SDK1: variants seen among roughly 807,000 people sequenced by gnomAD.
SDK1 encodes protein sidekick-1.
Under a neutral mutation model 245.5 loss-of-function variants are expected in SDK1, and 157 were observed. The observed-to-expected ratio is 0.64, with a 90% confidence interval of 0.56 to 0.73. The LOEUF is 0.73. SDK1 is among the 30% of genes least tolerant of loss of function. The pLI is 0.00. For missense variants in SDK1, 3,583 were observed against 3,002.3 expected (o/e 1.19, Z -4.52); for synonymous variants, 1,647 against 1,278.5 (o/e 1.29, Z -6.15).
At chr7:3,889,938 C>G (rs1012723022) in intron 5 of SDK1, among the ~76,000 whole-genome samples, 1 of 152,216 alleles carries the variant, frequency 6.6e-6, no homozygotes, top group African/African-American at 2.4e-5. Context: ...AAACTCCCCG[C>G]TCCTCCTCCT....
intron 14 of SDK1, 150 bp from the exon 15 acceptor site, chr7:4,010,816 C>A: frequency 1.3e-6 from 1 of 790,026 alleles, no homozygotes; most frequent in Non-Finnish European, 1.9e-6. Context: ...GCCTCAGTTT[C>A]CACACCTGCT....
chr7:3,865,599 C>T (rs955402986), intron 5 of SDK1, among the ~76,000 whole-genome samples: 10 of 152,076 alleles, frequency 6.6e-5, no homozygotes, highest in Admixed American at 6.5e-4. Context: ...GCTTCAAACT[C>T]CTGGGCTCAA....
rs184513249 is a variant in SDK1, at chr7:3,871,307, G to C, written c.847+49724G>C. ...CTAAACTCATTTATTATTTACAGAA[G>C]ATTTTTTCACAGATTCTGTGGGAGT... On this transcript the variant is annotated intron_variant, in intron 5 of 44. Coordinates refer to ENST00000404826, the MANE Select transcript of SDK1 (RefSeq NM_152744.4). Among the ~76,000 whole-genome samples the C allele has an allele frequency of 8.9e-4, 136 of 152,258 alleles. 1 individual carries two copies. The highest frequency in any genetic ancestry group is 1.6e-3 in the Admixed American group (24 of 15,298).
chr7:3,678,784 A>G (rs1471011791), intron 4 of SDK1, among the ~76,000 whole-genome samples: 3 of 152,224 alleles, frequency 2.0e-5, no homozygotes. Flanking sequence ...GATAGATTTC[A>G]GGCATATTTT....
At chr7:4,239,173 A>G (rs1186399984) in intron 42 of SDK1, among the ~76,000 whole-genome samples, 4 of 152,236 alleles carry the variant, frequency 2.6e-5, no homozygotes, top group Admixed American at 6.5e-5. Flanking sequence ...CATTAGAGAA[A>G]GGAGCAAATG....
At chr7:3,985,785 A>G (rs1783782191) in intron 13 of SDK1, among the ~76,000 whole-genome samples, 1 of 152,200 alleles carries the variant, frequency 6.6e-6, no homozygotes, top group Non-Finnish European at 1.5e-5. Context: ...TATGCTTATA[A>G]ATGGTGCGTA....
chr7:3,348,413 G>C (rs1780564587), intron 1 of SDK1, among the ~76,000 whole-genome samples: 1 of 152,144 alleles, frequency 6.6e-6, no homozygotes, highest in African/African-American at 2.4e-5. Context: ...TTGTAGCAAG[G>C]TGGGTGCAGC....
intron 4 of SDK1, among the ~76,000 whole-genome samples, chr7:3,761,682 C>A (rs746750255): frequency 6.6e-6 from 1 of 151,684 alleles, no homozygotes; most frequent in Non-Finnish European, 1.5e-5. Flanking sequence ...ACAGGAATGA[C>A]TCAGGAGTTT....
intron 1 of SDK1, among the ~76,000 whole-genome samples, chr7:3,509,964 C>T (rs1325666323): frequency 1.3e-5 from 2 of 152,296 alleles, no homozygotes; most frequent in African/African-American, 4.8e-5. Context: ...GTCTCCGAGT[C>T]ATGAATAACA....
chr7:3,709,732 CT>C (rs1784988217), intron 4 of SDK1, among the ~76,000 whole-genome samples: 1 of 152,188 alleles, frequency 6.6e-6, no homozygotes, highest in African/African-American at 2.4e-5. Flanking sequence ...AAGTAAAATC[CT>C]TTTCTTGAAA....
At chr7:3,787,785 C>G (rs910531584) in intron 4 of SDK1, among the ~76,000 whole-genome samples, 1 of 152,184 alleles carries the variant, frequency 6.6e-6, no homozygotes, top group African/African-American at 2.4e-5. Flanking sequence ...TCAACTCTCT[C>G]TGCTGTCCCT....
intron 34 of SDK1, among the ~76,000 whole-genome samples, 200 bp downstream of exon 34, chr7:4,176,034 T>C (rs1035517725): frequency 8.6e-5 from 13 of 151,866 alleles, no homozygotes; most frequent in African/African-American, 3.1e-4. Context: ...GCTGGGGAAA[T>C]TTACTAATAT....
intron 1 of SDK1, among the ~76,000 whole-genome samples, chr7:3,342,285 T>C (rs1184290672): frequency 1.3e-5 from 2 of 152,122 alleles, no homozygotes; most frequent in African/African-American, 4.8e-5. Flanking sequence ...TGTAAAACTC[T>C]TAGGCAAAAA....
chr7:3,977,207 TGCC>T, intron 13 of SDK1, among the ~76,000 whole-genome samples: 2 of 23,926 alleles, frequency 8.4e-5, no homozygotes, highest in East Asian at 1.5e-3. Context: ...GCTGCGAGGC[TGCC>T]ACGCAGAGGG....
At chr7:4,162,007 G>T (rs549311476) in intron 32 of SDK1, 151 bp downstream of exon 32, 1 of 617,450 alleles carries the variant, frequency 1.6e-6, no homozygotes. Flanking sequence ...ACTCAAAAAC[G>T]CGAGGGGGAA....
At chr7:3,333,225 A>G (rs79144646) in intron 1 of SDK1, among the ~76,000 whole-genome samples, 10,803 of 152,212 alleles carry the variant, frequency 0.071, 469 homozygotes, top group African/African-American at 0.12. Flanking sequence ...TGCAGAGTCA[A>G]TATGGCCGGT....
rs776030850 is a variant in SDK1 at position 4,233,429 on chromosome 7, C to T, written c.5992+10C>T. ...TCCACGGCTGTGTCAGGTAGGCCCT[C>T]CCAGGGAGGTCTGTCTTCTTCTGGA... On this transcript the variant is annotated intron_variant, in intron 41 of 44. Transcript: ENST00000404826. 9 of 1,609,148 alleles carry T rather than the reference C, an allele frequency of 5.6e-6. No individual in the cohort carries two copies. Among genetic ancestry groups the T allele is most frequent in the Non-Finnish European group, 7.6e-6 (9 of 1,178,986 alleles).
chr7:4,252,831 C>G (rs1339439322), intron 44 of SDK1, among the ~76,000 whole-genome samples: 1 of 150,472 alleles, frequency 6.6e-6, no homozygotes, highest in Non-Finnish European at 1.5e-5. Context: ...GTTTCCCCCC[C>G]CCTCTTTTTT....
At chr7:3,735,337 A>G (rs6978942) in intron 4 of SDK1, among the ~76,000 whole-genome samples, 16,573 of 152,068 alleles carry the variant, frequency 0.11, 1,227 homozygotes, top group African/African-American at 0.21. Flanking sequence ...CCCTTCCCCC[A>G]CAGCCCCAGG....
Sources: gnomAD v4.1 joint callset for allele counts (sites outside exome capture counted in the v4.1 genomes callset) on GRCh38, gnomAD v4.1.1 for gene constraint, MANE v1.5 for transcripts, NCBI Gene and HGNC (gene_info 2026-07-23, HGNC 2026-07-21) for gene names.